The following CWF19L2 variants were observed in gnomAD, a reference collection of about 807,000 sequenced individuals.
The protein encoded by CWF19L2 is CWF19-like protein 2.
A neutral mutation model predicts 111.7 loss-of-function variants in CWF19L2; 98 were observed. The observed-to-expected ratio is 0.88, with a 90% CI of 0.75 to 1.04. The LOEUF (loss-of-function observed/expected upper bound fraction) is 1.04. Among genes scored for constraint, CWF19L2 ranks in the 50% least tolerant of loss-of-function variants. CWF19L2 has a pLI of 0.00. For synonymous variants in CWF19L2, 351 were observed against 342.9 expected (o/e 1.02, Z -0.26); for missense variants, 1,101 against 1,051.4 (o/e 1.05, Z -0.65).
intron 14 of CWF19L2, 146 bp from the exon 15 acceptor site, chr11:107,336,859 T>C (rs1245985699): frequency 1.3e-5 from 7 of 540,998 alleles, no homozygotes; most frequent in Non-Finnish European, 1.9e-5. Context: ...CAGTAATATC[T>C]GAACTCTGCA....
At chr11:107,430,411 A>G (rs1861449332) in intron 7 of CWF19L2, among the ~76,000 whole-genome samples, 1 of 152,158 alleles carries the variant, frequency 6.6e-6, no homozygotes, top group Admixed American at 6.5e-5. Flanking sequence ...TATATAGAGA[A>G]TTCAATTCAC....
chr11:107,403,989 CCA>C (rs1455684486), intron 10 of CWF19L2: 1 of 831,594 alleles, frequency 1.2e-6, no homozygotes, highest in African/African-American at 1.7e-5. Context: ...ACGTCTGGCA[CCA>C]CACTCTCACT....
At chr11:107,344,678 C>A (rs1396489866) in intron 14 of CWF19L2, among the ~76,000 whole-genome samples, 1 of 152,116 alleles carries the variant, frequency 6.6e-6, no homozygotes, top group Non-Finnish European at 1.5e-5. Context: ...AAATCTTTGT[C>A]AGATAATTAG....
intron 7 of CWF19L2, among the ~76,000 whole-genome samples, chr11:107,433,204 G>C (rs1165424579): frequency 1.3e-5 from 2 of 152,036 alleles, no homozygotes; most frequent in Middle Eastern, 3.2e-3. Context: ...TGGGGAAACT[G>C]GTTCTAAAAT....
intron 7 of CWF19L2, among the ~76,000 whole-genome samples, chr11:107,429,806 CA>C (rs33980353): frequency 0.58 from 61,601 of 105,410 alleles, 14,593 homozygotes; most frequent in Middle Eastern, 0.67. Context: ...AGATTCTCAC[CA>C]AAAAAAAAAA....
In CWF19L2 at chr11:107,353,655, C is replaced by T. The variant is rs749375721; in HGVS notation, c.1954G>A (p.Glu652Lys). The change falls in exon 13 of 18, where the codon GAA becomes AAA. Residue 652 changes from glutamate to lysine, a missense_variant. Physicochemically the swap from Glu to Lys is moderately conservative, Grantham distance 56 (BLOSUM62 1). Coordinates refer to ENST00000282251, the MANE Select transcript of CWF19L2 (RefSeq NM_152434.3). ...SKAAERERLG[E>K]EEENQRKKAI... ...TTTTTCCTTTGGTTCTCTTCCTCTTCACCAAGACGTTCTCTCTCAGCTGCT... is the reference window on the plus strand; with the variant it reads ...TTTTTCCTTTGGTTCTCTTCCTCTTTACCAAGACGTTCTCTCTCAGCTGCT... The T allele has an allele frequency of 6.2e-7, 1 of 1,613,808 alleles. No homozygotes were observed. The highest frequency in any genetic ancestry group is 8.5e-7 in the Non-Finnish European group (1 of 1,179,756).
intron 10 of CWF19L2, among the ~76,000 whole-genome samples, chr11:107,408,499 C>G (rs946395142): frequency 4.0e-5 from 6 of 151,882 alleles, no homozygotes; most frequent in Non-Finnish European, 8.8e-5. Context: ...GACTAGAGAA[C>G]AGACAGATTC....
At position 107,422,202 on chromosome 11, in the gene CWF19L2, G is replaced by C. The variant is rs539447919; in HGVS notation, c.1434-3915C>G. On this transcript the variant is annotated intron_variant, in intron 8 of 17. Transcript: ENST00000282251. ...AACAACACAGGGGTGAACTGCCCAGGTCCACTTATACACAGATTTTTTTCA... is the reference window on the plus strand; with the variant it reads ...AACAACACAGGGGTGAACTGCCCAGCTCCACTTATACACAGATTTTTTTCA... 3.3e-5 allele frequency among the ~76,000 whole-genome samples: 5 copies of C among 152,098 alleles called. No individual in the cohort carries two copies. In the South Asian group the frequency reaches 8.3e-4, roughly 25 times the overall value.
intron 12 of CWF19L2, among the ~76,000 whole-genome samples, chr11:107,374,126 G>C (rs1860559028): frequency 1.5e-5 from 2 of 135,476 alleles, no homozygotes; most frequent in Non-Finnish European, 3.1e-5. Flanking sequence ...TATGTGAAAA[G>C]ACCAAATCTA....
At chr11:107,387,317 CTAATA>C (rs1422486658) in intron 12 of CWF19L2, among the ~76,000 whole-genome samples, 3 of 152,164 alleles carry the variant, frequency 2.0e-5, no homozygotes, top group Admixed American at 1.3e-4. Flanking sequence ...TCTATCTGAA[CTAATA>C]TAATACTCTC....
chr11:107,444,715 T>G (rs1861677487), intron 3 of CWF19L2, among the ~76,000 whole-genome samples: 1 of 152,182 alleles, frequency 6.6e-6, no homozygotes, highest in Admixed American at 6.5e-5. Context: ...TATCCTCTTC[T>G]TCTACAAAAT....
chr11:107,439,660 T>C (rs748434695), intron 5 of CWF19L2, among the ~76,000 whole-genome samples: 1 of 152,106 alleles, frequency 6.6e-6, no homozygotes, highest in South Asian at 2.1e-4. Flanking sequence ...ATGTTCCAGG[T>C]AGAAAGAATA....
intron 4 of CWF19L2, 86 bp from the exon 5 acceptor site, chr11:107,441,708 T>C (rs1861621454): frequency 1.5e-6 from 2 of 1,329,418 alleles, no homozygotes; most frequent in South Asian, 2.0e-5. Flanking sequence ...CACTTGGTAA[T>C]AAGAGCAGGG....
At chr11:107,381,686 A>T (rs1376511265) in intron 12 of CWF19L2, among the ~76,000 whole-genome samples, 8 of 152,168 alleles carry the variant, frequency 5.3e-5, no homozygotes, top group Non-Finnish European at 1.5e-5. Context: ...ACATTTAAGA[A>T]TGGTATATCA....
At chr11:107,385,355 C>T (rs1860749652) in intron 12 of CWF19L2, among the ~76,000 whole-genome samples, 1 of 150,692 alleles carries the variant, frequency 6.6e-6, no homozygotes, top group South Asian at 2.1e-4. Flanking sequence ...ATAAAAATAA[C>T]ACATTTGTCA....
intron 12 of CWF19L2, among the ~76,000 whole-genome samples, chr11:107,380,042 G>C (rs974581974): frequency 2.9e-4 from 7 of 24,454 alleles, no homozygotes; most frequent in Non-Finnish European, 4.7e-4. Context: ...GCGAGACACC[G>C]TCTCAAAAAA....
At chr11:107,396,418 C>T (rs1166578047) in intron 10 of CWF19L2, among the ~76,000 whole-genome samples, 1 of 152,144 alleles carries the variant, frequency 6.6e-6, no homozygotes, top group Non-Finnish European at 1.5e-5. Context: ...TCCCAAAATG[C>T]TCTGGGATCA....
At chr11:107,361,495 G>C (rs916161537) in intron 12 of CWF19L2, among the ~76,000 whole-genome samples, 1 of 151,932 alleles carries the variant, frequency 6.6e-6, no homozygotes, top group Non-Finnish European at 1.5e-5. Context: ...AATATTGTTT[G>C]TTCTAATTCT....
At chr11:107,384,085 A>C (rs892295588) in intron 12 of CWF19L2, among the ~76,000 whole-genome samples, 1 of 152,240 alleles carries the variant, frequency 6.6e-6, no homozygotes, top group African/African-American at 2.4e-5. Flanking sequence ...TCATACACTG[A>C]ATGAGTTCAA....
Sources: allele counts gnomAD v4.1 joint callset (sites outside exome capture counted in the v4.1 genomes callset), GRCh38; gene constraint gnomAD v4.1.1; transcripts MANE v1.5; gene names NCBI Gene and HGNC (gene_info 2026-07-23, HGNC 2026-07-21).